SLC9A9: variants seen among roughly 807,000 people sequenced by gnomAD.
The protein encoded by SLC9A9 is solute carrier family 9 member A9.
Under a neutral mutation model 77.8 loss-of-function variants are expected in SLC9A9, and 62 were observed. The ratio of observed to expected loss-of-function variants is 0.80; its 90% CI spans 0.65 to 0.98. The LOEUF is 0.98. Ranked by LOEUF, SLC9A9 falls within the 50% of genes least tolerant of loss-of-function variation. SLC9A9 has a pLI of 0.00. For synonymous variants in SLC9A9, 320 were observed against 283.5 expected (o/e 1.13, Z -1.29); for missense variants, 775 against 774.9 (o/e 1.00, Z 0.00).
intron 4 of SLC9A9, among the ~76,000 whole-genome samples, chr3:143,706,154 C>T (rs6440183): frequency 0.66 from 100,081 of 151,614 alleles, 33,335 homozygotes; most frequent in African/African-American, 0.69. Flanking sequence ...TCTGTCCTAC[C>T]GTAGGTGGTT....
At chr3:143,352,617 G>T (rs534354520) in intron 14 of SLC9A9, among the ~76,000 whole-genome samples, 37 of 134,602 alleles carry the variant, frequency 2.7e-4, no homozygotes, top group Non-Finnish European at 4.5e-4. Context: ...AGTAGACTCT[G>T]GCCCTAACAA....
chr3:143,400,047 A>G (rs1040346469), intron 12 of SLC9A9, among the ~76,000 whole-genome samples: 5 of 152,222 alleles, frequency 3.3e-5, no homozygotes, highest in African/African-American at 1.2e-4. Flanking sequence ...ACATCTAAGA[A>G]GAAAAACGCT....
intron 11 of SLC9A9, among the ~76,000 whole-genome samples, chr3:143,474,170 G>C (rs1426992810): frequency 2.6e-5 from 4 of 152,178 alleles, no homozygotes; most frequent in Non-Finnish European, 4.4e-5. Context: ...CCAATGCCTG[G>C]TGTGCTTAAG....
chr3:143,769,259 C>G (rs2007433930), intron 4 of SLC9A9, among the ~76,000 whole-genome samples: 1 of 152,078 alleles, frequency 6.6e-6, no homozygotes, highest in Admixed American at 6.6e-5. Context: ...TTCTCTAACC[C>G]TCATTACAAT....
At chr3:143,478,279 T>C (rs973264148) in intron 11 of SLC9A9, among the ~76,000 whole-genome samples, 2 of 152,186 alleles carry the variant, frequency 1.3e-5, no homozygotes, top group African/African-American at 4.8e-5. Context: ...TTCAAGAAAG[T>C]GCAGTGAAAT....
intron 9 of SLC9A9, among the ~76,000 whole-genome samples, chr3:143,541,372 C>T (rs1429909230): frequency 1.3e-5 from 2 of 152,116 alleles, no homozygotes; most frequent in African/African-American, 4.8e-5. Context: ...ATTCTCTAGC[C>T]CCAGCCAAAC....
chr3:143,738,215 G>A (rs1368912308), intron 4 of SLC9A9, among the ~76,000 whole-genome samples: 2 of 152,182 alleles, frequency 1.3e-5, no homozygotes, highest in African/African-American at 4.8e-5. Context: ...GGCCTTAACA[G>A]AAATTACTCT....
At chr3:143,415,237 G>T (rs770146299) in intron 12 of SLC9A9, among the ~76,000 whole-genome samples, 38 of 152,210 alleles carry the variant, frequency 2.5e-4, no homozygotes, top group Non-Finnish European at 4.7e-4. Context: ...TTATCCAGAA[G>T]ATCTAGTTAA....
At chr3:143,633,581 C>G (rs1688933004) in intron 6 of SLC9A9, among the ~76,000 whole-genome samples, 1 of 151,966 alleles carries the variant, frequency 6.6e-6, no homozygotes, top group African/African-American at 2.4e-5. Context: ...TACAATGATA[C>G]AGTGTATAAA....
At chr3:143,450,904 C>G (rs2034995583) in intron 12 of SLC9A9, among the ~76,000 whole-genome samples, 1 of 152,114 alleles carries the variant, frequency 6.6e-6, no homozygotes, top group Non-Finnish European at 1.5e-5. Context: ...GCTCTCTCAA[C>G]AAAGAGAATG....
intron 12 of SLC9A9, among the ~76,000 whole-genome samples, chr3:143,409,009 G>C (rs941431174): frequency 5.3e-5 from 8 of 152,332 alleles, no homozygotes; most frequent in Admixed American, 4.6e-4. Context: ...TCTTGCAAGA[G>C]AGGCTAGTTA....
rs751614994 is a variant in SLC9A9 at position 143,574,145 on chromosome 3, G to A, written c.943C>T (p.Leu315=). ...GCACTCCAAGAAAGCAGGAAAAACA[G>A]GCCGGTTTCCAGCATCGGGAACTCA... The part of the protein sequence containing the change: ...LCEFPMLETG[L]FFLLSWSAFL... The change falls in exon 8 of 16, where the codon CTG becomes TTG. Residue 315 remains leucine (L), a synonymous_variant. Transcript: ENST00000316549. 1.1e-4 allele frequency: 175 copies of A among 1,613,464 alleles called. No individual in the cohort carries two copies. The highest frequency in any genetic ancestry group is 1.4e-4 in the Non-Finnish European group (170 of 1,179,644).
intron 2 of SLC9A9, among the ~76,000 whole-genome samples, chr3:143,798,263 C>T (rs1381854207): frequency 6.6e-6 from 1 of 152,212 alleles, no homozygotes; most frequent in Non-Finnish European, 1.5e-5. Flanking sequence ...ACTCCGGCGC[C>T]AGTCACAGAC....
intron 5 of SLC9A9, among the ~76,000 whole-genome samples, chr3:143,690,513 T>A (rs559832957): frequency 2.8e-4 from 43 of 152,076 alleles, no homozygotes; most frequent in African/African-American, 1.0e-3. Context: ...CAAGATAAGG[T>A]TGAAATATCT....
chr3:143,746,617 C>T (rs1935203860), intron 4 of SLC9A9, among the ~76,000 whole-genome samples: 1 of 152,198 alleles, frequency 6.6e-6, no homozygotes, highest in South Asian at 2.1e-4. Context: ...TTCTATCTCA[C>T]ATCCTCAGGA....
At chr3:143,601,917 C>A (rs1043211322) in intron 6 of SLC9A9, among the ~76,000 whole-genome samples, 2 of 151,840 alleles carry the variant, frequency 1.3e-5, no homozygotes, top group African/African-American at 2.4e-5. Context: ...ACTGTTCCTG[C>A]AGTACCCCTT....
intron 9 of SLC9A9, among the ~76,000 whole-genome samples, chr3:143,530,351 A>G (rs1276383882): frequency 3.3e-5 from 5 of 152,024 alleles, no homozygotes; most frequent in Non-Finnish European, 7.4e-5. Flanking sequence ...AATAAGTCTC[A>G]CGAGAACTGA....
At chr3:143,765,285 TGCCTTG>T (rs1379400046) in intron 4 of SLC9A9, among the ~76,000 whole-genome samples, 1 of 151,652 alleles carries the variant, frequency 6.6e-6, no homozygotes, top group African/African-American at 2.4e-5. Flanking sequence ...GGGATTCTCC[TGCCTTG>T]GCCTCCCAAA....
At chr3:143,765,005 TTC>T (rs1311497959) in intron 4 of SLC9A9, among the ~76,000 whole-genome samples, 3 of 149,168 alleles carry the variant, frequency 2.0e-5, no homozygotes, top group Non-Finnish European at 4.4e-5. Flanking sequence ...CTTCCTTTCT[TTC>T]TTTCTCTCTT....
Sources: allele counts gnomAD v4.1 joint callset (sites outside exome capture counted in the v4.1 genomes callset), GRCh38; gene constraint gnomAD v4.1.1; transcripts MANE v1.5; gene names NCBI Gene and HGNC (gene_info 2026-07-23, HGNC 2026-07-21).